The following TMEM117 variants were observed in gnomAD, a reference collection of about 807,000 sequenced individuals.
The protein encoded by TMEM117 is transmembrane protein 117.
In TMEM117, 27 loss-of-function variants were observed where a neutral mutation model predicts 52.4. The observed-to-expected ratio is 0.51, with a 90% confidence interval of 0.38 to 0.71. The LOEUF is 0.71. TMEM117 is among the 30% of genes least tolerant of loss of function. The pLI, the probability that TMEM117 is intolerant of heterozygous loss-of-function variation, is 0.00. For synonymous variants in TMEM117, 215 were observed against 206.3 expected (o/e 1.04, Z -0.36); for missense variants, 556 against 630.5 (o/e 0.88, Z 1.26).
intron 5 of TMEM117, among the ~76,000 whole-genome samples, chr12:44,250,713 T>C (rs1055160588): frequency 6.6e-6 from 1 of 152,120 alleles, no homozygotes; most frequent in Non-Finnish European, 1.5e-5. Flanking sequence ...CTGGAAGCCA[T>C]CATTCTCAGC....
intron 5 of TMEM117, among the ~76,000 whole-genome samples, chr12:44,279,706 G>A (rs1381045368): frequency 6.6e-6 from 1 of 152,028 alleles, no homozygotes; most frequent in Non-Finnish European, 1.5e-5. Flanking sequence ...TAGAAACGGG[G>A]TTTCACTGTG....
intron 2 of TMEM117, among the ~76,000 whole-genome samples, chr12:43,851,170 T>G (rs1226460076): frequency 1.3e-5 from 2 of 152,150 alleles, no homozygotes; most frequent in East Asian, 3.8e-4. Flanking sequence ...AATACAGTAT[T>G]GCCAATTTAA....
At chr12:43,931,005 A>C (rs1944862931) in intron 2 of TMEM117, among the ~76,000 whole-genome samples, 4 of 152,190 alleles carry the variant, frequency 2.6e-5, no homozygotes, top group Admixed American at 2.6e-4. Flanking sequence ...TAACCCTAGA[A>C]ATCTGAAGAT....
intron 3 of TMEM117, among the ~76,000 whole-genome samples, chr12:44,047,094 G>A (rs557204805): frequency 3.4e-4 from 52 of 152,004 alleles, no homozygotes; most frequent in Admixed American, 2.1e-3. Flanking sequence ...GGGTGTTGCC[G>A]AAATAGATTA....
At chr12:43,825,968 T>G in the TMEM117 span, among the ~76,000 whole-genome samples, 4 of 152,234 alleles carry the variant, frequency 2.6e-5, no homozygotes, top group African/African-American at 9.6e-5. Context: ...ATCTCCACCA[T>G]CTCTACCTGG....
At chr12:44,245,680 T>C (rs1308921008) in intron 5 of TMEM117, among the ~76,000 whole-genome samples, 1 of 152,000 alleles carries the variant, frequency 6.6e-6, no homozygotes, top group African/African-American at 2.4e-5. Context: ...TGGATACCTT[T>C]TATTTCTTTC....
intron 6 of TMEM117, among the ~76,000 whole-genome samples, chr12:44,372,641 C>T (rs900969708): frequency 2.0e-5 from 3 of 151,856 alleles, no homozygotes; most frequent in African/African-American, 7.3e-5. Context: ...TTTAAAGCCT[C>T]TCATGGAACT....
At chr12:44,171,731 A>G (rs949301954) in intron 4 of TMEM117, among the ~76,000 whole-genome samples, 46 of 152,168 alleles carry the variant, frequency 3.0e-4, no homozygotes, top group African/African-American at 8.9e-4. Flanking sequence ...TAACTATGCT[A>G]TTTTCTATGG....
chr12:43,986,213 A>G (rs887099719), intron 3 of TMEM117, among the ~76,000 whole-genome samples: 2 of 152,226 alleles, frequency 1.3e-5, no homozygotes, highest in African/African-American at 4.8e-5. Context: ...TAATGTTAAA[A>G]TGATAGAGGT....
intron 3 of TMEM117, among the ~76,000 whole-genome samples, chr12:44,026,553 T>G (rs1485323737): frequency 2.0e-5 from 3 of 152,230 alleles, no homozygotes; most frequent in Non-Finnish European, 4.4e-5. Context: ...TAGGTTTTTT[T>G]GTAGCATTTA....
At chr12:44,271,129 G>T (rs1004262471) in intron 5 of TMEM117, among the ~76,000 whole-genome samples, 1 of 151,614 alleles carries the variant, frequency 6.6e-6, no homozygotes, top group African/African-American at 2.4e-5. Flanking sequence ...CTGTAGTTTT[G>T]TTTTTTTGTT....
At chr12:43,796,285 G>A in the TMEM117 span, among the ~76,000 whole-genome samples, 1 of 152,106 alleles carries the variant, frequency 6.6e-6, no homozygotes, top group African/African-American at 2.4e-5. Flanking sequence ...TGCTATAGAA[G>A]GTGCTACCCA....
chr12:44,103,920 T>G (rs1035062967), intron 3 of TMEM117, among the ~76,000 whole-genome samples: 2 of 152,040 alleles, frequency 1.3e-5, no homozygotes, highest in African/African-American at 4.8e-5. Context: ...TCACTAACTT[T>G]CATGTCATAG....
intron 5 of TMEM117, among the ~76,000 whole-genome samples, chr12:44,296,795 G>A (rs563864328): frequency 3.3e-5 from 5 of 152,318 alleles, no homozygotes; most frequent in African/African-American, 1.2e-4. Flanking sequence ...CAGCCGGTCT[G>A]TTGTACAAAG....
intron 6 of TMEM117, among the ~76,000 whole-genome samples, chr12:44,375,644 C>G (rs899091939): frequency 1.3e-5 from 2 of 152,120 alleles, no homozygotes; most frequent in African/African-American, 4.8e-5. Flanking sequence ...ATCAAAATCT[C>G]AAATTAATAT....
At chr12:44,217,684 A>G (rs959956729) in intron 5 of TMEM117, among the ~76,000 whole-genome samples, 5 of 152,230 alleles carry the variant, frequency 3.3e-5, no homozygotes, top group East Asian at 1.9e-4. Flanking sequence ...CAAAAGTTAA[A>G]TAAAACCTGA....
chr12:44,073,720 T>G (rs778978854), intron 3 of TMEM117: 11 of 152,224 alleles, frequency 7.2e-5, no homozygotes, highest in Non-Finnish European at 1.3e-4. Context: ...AGAGCCAGTC[T>G]CGAAGATATG....
intron 3 of TMEM117, among the ~76,000 whole-genome samples, chr12:43,956,465 T>TA (rs1381733977): frequency 2.6e-5 from 2 of 76,336 alleles, no homozygotes; most frequent in African/African-American, 1.2e-4. Flanking sequence ...ACAACCCTGT[T>TA]AAAAAGTGGG....
At chr12:43,799,008 G>C in the TMEM117 span, among the ~76,000 whole-genome samples, 1 of 151,958 alleles carries the variant, frequency 6.6e-6, no homozygotes, top group Non-Finnish European at 1.5e-5. Context: ...TTAATTTGTA[G>C]ACTCTCTAGA....
Sources: allele counts gnomAD v4.1 joint callset (sites outside exome capture counted in the v4.1 genomes callset), GRCh38; gene constraint gnomAD v4.1.1; transcripts MANE v1.5; gene names NCBI Gene and HGNC (gene_info 2026-07-23, HGNC 2026-07-21).